The following NTM variants were observed in gnomAD, a reference collection of about 807,000 sequenced individuals.
The protein encoded by NTM is neurotrimin.
In NTM, 13 loss-of-function variants were observed where a neutral mutation model predicts 42.1. The ratio of observed to expected loss-of-function variants is 0.31; its 90% CI spans 0.20 to 0.49. The LOEUF is 0.49. Among genes scored for constraint, NTM ranks in the 20% least tolerant of loss-of-function variants. The probability of loss-of-function intolerance (pLI) is 0.99; values close to 1 mark genes in which losing one functional copy is unlikely to be tolerated. For synonymous variants in NTM, 187 were observed against 179.2 expected (o/e 1.04, Z -0.35); for missense variants, 373 against 452.8 (o/e 0.82, Z 1.60).
chr11:132,223,470 A>C lies in NTM; in HGVS notation c.526+11323A>C, dbSNP rs552028303. On this transcript the variant is annotated intron_variant, in intron 4 of 8. Transcript: ENST00000683400. ...CAGGAGTACTCCTGGCAGGGTTCAC[A>C]GTGACTGCAAAGGCATGATATCAGG... Among the ~76,000 whole-genome samples the C allele has an allele frequency of 3.9e-5, 6 of 152,280 alleles. No homozygotes were observed. In the South Asian group the frequency reaches 1.2e-3, roughly 32 times the overall value.
intron 1 of NTM, among the ~76,000 whole-genome samples, chr11:131,675,093 G>A (rs758002976): frequency 6.6e-6 from 1 of 152,208 alleles, no homozygotes; most frequent in Non-Finnish European, 1.5e-5. Context: ...TCCTGCCTGA[G>A]CTTCCAGATC....
intron 1 of NTM, among the ~76,000 whole-genome samples, chr11:131,543,476 A>C (rs981791714): frequency 1.3e-5 from 2 of 152,224 alleles, no homozygotes; most frequent in Non-Finnish European, 2.9e-5. Context: ...ACACTGATCC[A>C]CTGTCTTGTA....
intron 7 of NTM, among the ~76,000 whole-genome samples, chr11:132,318,222 A>G (rs1434053024): frequency 1.3e-5 from 2 of 152,188 alleles, no homozygotes; most frequent in African/African-American, 4.8e-5. Flanking sequence ...TTAGGGCCTG[A>G]CGTCCAGTAG....
chr11:132,123,765 A>G (rs764734778), intron 2 of NTM, among the ~76,000 whole-genome samples: 41 of 152,202 alleles, frequency 2.7e-4, no homozygotes, highest in Admixed American at 1.8e-3. Flanking sequence ...GGACCAGCCC[A>G]GGAGAGTCCA....
In NTM at chr11:131,641,593, G is replaced by C. The variant is rs370303812; in HGVS notation, c.83-269971G>C. ...TGTCAGCCTGCCTGCCATTTCCAAG[G>C]GGGGGAAGCTATGGGTTGCCAACCT... On this transcript the variant is annotated intron_variant, in intron 1 of 8. Coordinates refer to ENST00000683400, the MANE Select transcript of NTM (RefSeq NM_001352005.2). Among the ~76,000 whole-genome samples the C allele has an allele frequency of 1.1e-3, 170 of 152,246 alleles. 1 individual carries two copies. Among genetic ancestry groups the C allele is most frequent in the African/African-American group, 1.7e-3 (71 of 41,526 alleles).
At chr11:131,782,791 A>G (rs1301162510) in intron 1 of NTM, among the ~76,000 whole-genome samples, 1 of 152,204 alleles carries the variant, frequency 6.6e-6, no homozygotes, top group Non-Finnish European at 1.5e-5. Flanking sequence ...TTCCTTTGTG[A>G]TACAAACTCT....
At chr11:132,086,403 C>T (rs913120109) in intron 2 of NTM, among the ~76,000 whole-genome samples, 4 of 151,532 alleles carry the variant, frequency 2.6e-5, no homozygotes, top group African/African-American at 9.7e-5. Flanking sequence ...AACTTTTCTC[C>T]AGCAAAACAA....
At position 131,982,894 on chromosome 11, in the gene NTM, T is replaced by G. The variant is rs529233805; in HGVS notation, c.167+71246T>G. 2.0e-5 allele frequency among the ~76,000 whole-genome samples: 3 copies of G among 152,270 alleles called. No individual in the cohort carries two copies. The South Asian group carries it at 6.2e-4, about 32-fold the overall frequency. ...GTCTTGCCTTTCTGCAGAAAAACTT[T>G]CAGGATCAAATGGCTTATGATTTTC... On this transcript the variant is annotated intron_variant, in intron 2 of 8. Transcript: ENST00000683400.
intron 7 of NTM, among the ~76,000 whole-genome samples, chr11:132,321,319 G>T (rs568138987): frequency 9.5e-4 from 145 of 152,296 alleles, no homozygotes; most frequent in Middle Eastern, 3.4e-3. Context: ...AACCAATACA[G>T]AGAAGTGCTT....
At chr11:132,144,316 A>G (rs1357414624) in intron 2 of NTM, among the ~76,000 whole-genome samples, 1 of 152,186 alleles carries the variant, frequency 6.6e-6, no homozygotes, top group African/African-American at 2.4e-5. Context: ...CTGAATCAGC[A>G]TCTGTACTTC....
chr11:132,307,241 C>A (rs554573520), intron 4 of NTM, among the ~76,000 whole-genome samples: 1 of 152,242 alleles, frequency 6.6e-6, no homozygotes, highest in South Asian at 2.1e-4. Context: ...GTGTATGTAG[C>A]TGCTGGTGTG....
At chr11:132,103,869 A>G (rs2061934331) in intron 2 of NTM, among the ~76,000 whole-genome samples, 1 of 152,190 alleles carries the variant, frequency 6.6e-6, no homozygotes, top group Admixed American at 6.5e-5. Context: ...CACACAACAG[A>G]GGGTGGGCAA....
At chr11:131,655,465 G>A (rs1043648277) in intron 1 of NTM, among the ~76,000 whole-genome samples, 1 of 152,202 alleles carries the variant, frequency 6.6e-6, no homozygotes, top group Non-Finnish European at 1.5e-5. Flanking sequence ...CTGAAAAAAG[G>A]CAAGGTCAGC....
intron 4 of NTM, among the ~76,000 whole-genome samples, chr11:132,236,606 T>C (rs1020913743): frequency 6.6e-6 from 1 of 152,174 alleles, no homozygotes; most frequent in Non-Finnish European, 1.5e-5. Flanking sequence ...TTACCTATAC[T>C]TGAATCGACA....
chr11:131,892,342 AAGAG>A (rs979479976), intron 1 of NTM, among the ~76,000 whole-genome samples: 5 of 152,230 alleles, frequency 3.3e-5, no homozygotes, highest in East Asian at 1.9e-4. Context: ...TAACCGTGCA[AAGAG>A]AGAGAATCTT....
chr11:131,695,994 G>A (rs925471170), intron 1 of NTM, among the ~76,000 whole-genome samples: 3 of 152,178 alleles, frequency 2.0e-5, no homozygotes, highest in Non-Finnish European at 4.4e-5. Context: ...AAAACTGGAC[G>A]TGTGGTGCAG....
At chr11:131,527,436 T>C (rs1233815909) in intron 1 of NTM, among the ~76,000 whole-genome samples, 1 of 152,232 alleles carries the variant, frequency 6.6e-6, no homozygotes, top group East Asian at 1.9e-4. Flanking sequence ...GATATTCTTA[T>C]CACCATGCCT....
chr11:131,878,631 ATATATATAT>A (rs1565667197), intron 1 of NTM, among the ~76,000 whole-genome samples: 1 of 123,272 alleles, frequency 8.1e-6, no homozygotes, highest in African/African-American at 3.2e-5. Context: ...ATATATATAT[ATATATATAT>A]AATGTCTTAT....
intron 2 of NTM, among the ~76,000 whole-genome samples, chr11:132,095,363 C>G (rs1056913462): frequency 6.6e-6 from 1 of 152,026 alleles, no homozygotes; most frequent in Non-Finnish European, 1.5e-5. Context: ...TCCACAGGAA[C>G]CCTTTCATCC....
Sources: gnomAD v4.1 joint callset for allele counts (sites outside exome capture counted in the v4.1 genomes callset) on GRCh38, gnomAD v4.1.1 for gene constraint, MANE v1.5 for transcripts, NCBI Gene and HGNC (gene_info 2026-07-23, HGNC 2026-07-21) for gene names.